WDR7: variants seen among roughly 807,000 people sequenced by gnomAD.
WDR7 encodes WD repeat domain 7.
WDR7 carries 46 observed loss-of-function variants against 169.4 expected under a neutral mutation model. That is an observed-to-expected ratio of 0.27 (90% CI 0.21 to 0.35). The LOEUF is 0.35. Ranked by LOEUF, WDR7 falls within the 10% of genes least tolerant of loss-of-function variation. WDR7 has a pLI of 1.00. For synonymous variants in WDR7, 612 were observed against 666.8 expected (o/e 0.92, Z 1.27); for missense variants, 1,534 against 1,859.3 (o/e 0.83, Z 3.22).
intron 26 of WDR7, among the ~76,000 whole-genome samples, chr18:57,006,673 G>A (rs1347659577): frequency 1.3e-5 from 2 of 152,012 alleles, no homozygotes; most frequent in African/African-American, 4.8e-5. Flanking sequence ...CAAACTATAG[G>A]GAATGCTTAT....
chr18:56,911,813 C>T (rs1051051178), intron 21 of WDR7, among the ~76,000 whole-genome samples: 2 of 152,154 alleles, frequency 1.3e-5, no homozygotes, highest in African/African-American at 2.4e-5. Context: ...AAAGAAGAGA[C>T]AATTATGAAG....
intron 19 of WDR7, chr18:56,782,317 G>A (rs953518141): frequency 6.6e-6 from 1 of 151,918 alleles, no homozygotes; most frequent in African/African-American, 2.4e-5. Context: ...GGTTGGTTTT[G>A]TATTTTTGTT....
chr18:56,904,802 G>C (rs140287147), intron 21 of WDR7, among the ~76,000 whole-genome samples: 297 of 152,138 alleles, frequency 2.0e-3, no homozygotes, highest in African/African-American at 6.8e-3. Flanking sequence ...CTTCTTCCCT[G>C]AAAATGCCAG....
chr18:56,841,476 G>A (rs2045485142), intron 20 of WDR7, among the ~76,000 whole-genome samples: 2 of 151,412 alleles, frequency 1.3e-5, no homozygotes, highest in South Asian at 4.2e-4. Context: ...AACCTGGGAG[G>A]TGGAGGTTGC....
At chr18:56,809,823 A>G (rs1392148304) in intron 19 of WDR7, among the ~76,000 whole-genome samples, 1 of 152,076 alleles carries the variant, frequency 6.6e-6, no homozygotes, top group African/African-American at 2.4e-5. Context: ...ATATATATAT[A>G]GTAAAATGCA....
chr18:57,008,222 C>A (rs538587132), intron 26 of WDR7, among the ~76,000 whole-genome samples: 1 of 152,128 alleles, frequency 6.6e-6, no homozygotes, highest in African/African-American at 2.4e-5. Context: ...CCTGTCCATG[C>A]CCACTTCCTC....
At chr18:56,705,976 C>T (rs976254256) in intron 12 of WDR7, among the ~76,000 whole-genome samples, 5 of 152,100 alleles carry the variant, frequency 3.3e-5, no homozygotes, top group East Asian at 1.9e-4. Flanking sequence ...CCAGCCTGGG[C>T]GACAGAGGGA....
intron 21 of WDR7, among the ~76,000 whole-genome samples, chr18:56,900,830 A>G (rs1011545195): frequency 1.3e-5 from 2 of 152,186 alleles, no homozygotes; most frequent in Non-Finnish European, 2.9e-5. Context: ...TAGGCCATCC[A>G]CAGCAGCTTG....
At chr18:56,763,919 GTTA>G (rs1041250079) in intron 16 of WDR7, among the ~76,000 whole-genome samples, 2 of 151,906 alleles carry the variant, frequency 1.3e-5, no homozygotes, top group African/African-American at 4.8e-5. Context: ...TTTCATTTCT[GTTA>G]TTCATAATTT....
intron 16 of WDR7, among the ~76,000 whole-genome samples, chr18:56,768,484 C>G (rs898722291): frequency 2.0e-5 from 3 of 152,094 alleles, no homozygotes; most frequent in Non-Finnish European, 4.4e-5. Flanking sequence ...TGTCTCCTAA[C>G]AACTCTTGTT....
chr18:56,738,081 G>C (rs907942494), intron 14 of WDR7, among the ~76,000 whole-genome samples: 5 of 152,126 alleles, frequency 3.3e-5, no homozygotes, highest in African/African-American at 1.2e-4. Context: ...TAGCTAAGCT[G>C]TCCAGTCTTA....
chr18:56,688,858 A>G (rs2025504717), intron 7 of WDR7, among the ~76,000 whole-genome samples: 1 of 152,318 alleles, frequency 6.6e-6, no homozygotes, highest in Non-Finnish European at 1.5e-5. Flanking sequence ...ACATTTTGTA[A>G]TTATGTGAGA....
intron 14 of WDR7, among the ~76,000 whole-genome samples, chr18:56,734,107 T>G (rs1387633143): frequency 6.6e-6 from 1 of 152,188 alleles, no homozygotes; most frequent in Non-Finnish European, 1.5e-5. Flanking sequence ...ATTAGTAACT[T>G]GCATTCTTCC....
intron 25 of WDR7, among the ~76,000 whole-genome samples, chr18:56,943,825 G>T (rs537366368): frequency 4.0e-4 from 61 of 151,952 alleles, no homozygotes; most frequent in Non-Finnish European, 6.3e-4. Flanking sequence ...CTGACTTGTG[G>T]TAAACATAAA....
chr18:56,897,608 G>A (rs2046347466), intron 21 of WDR7, among the ~76,000 whole-genome samples: 2 of 151,900 alleles, frequency 1.3e-5, no homozygotes, highest in South Asian at 2.1e-4. Context: ...CATAAATATT[G>A]TAAGACATTG....
At chr18:56,915,049 AAATT>A (rs1427876979) in intron 21 of WDR7, among the ~76,000 whole-genome samples, 2 of 152,172 alleles carry the variant, frequency 1.3e-5, no homozygotes, top group African/African-American at 4.8e-5. Flanking sequence ...TATCTTTATT[AAATT>A]AATTTCTTAA....
chr18:56,806,696 G>C (rs1386339855), intron 19 of WDR7, among the ~76,000 whole-genome samples: 2 of 152,064 alleles, frequency 1.3e-5, no homozygotes, highest in Admixed American at 1.3e-4. Flanking sequence ...TTTATTTAAT[G>C]ACTCCCTCAG....
intron 16 of WDR7, among the ~76,000 whole-genome samples, chr18:56,774,412 G>T (rs974418190): frequency 3.3e-5 from 5 of 152,028 alleles, no homozygotes; most frequent in Non-Finnish European, 7.4e-5. Context: ...AGTTGAAGCG[G>T]CTCAGATAAA....
chr18:56,823,149 G>A (rs2045129612), intron 20 of WDR7, among the ~76,000 whole-genome samples: 1 of 152,144 alleles, frequency 6.6e-6, no homozygotes, highest in Admixed American at 6.5e-5. Context: ...TACTTTTTCT[G>A]TTCTTTGGTA....
Sources: gnomAD v4.1 joint callset for allele counts (sites outside exome capture counted in the v4.1 genomes callset) on GRCh38, gnomAD v4.1.1 for gene constraint, MANE v1.5 for transcripts, NCBI Gene and HGNC (gene_info 2026-07-23, HGNC 2026-07-21) for gene names.